ORC3: variants seen among roughly 807,000 people sequenced by gnomAD.
The protein encoded by ORC3 is homolog of latheo, Drosophila.
In ORC3, 78 loss-of-function variants were observed where a neutral mutation model predicts 100.7. The observed-to-expected ratio is 0.77, with a 90% confidence interval of 0.65 to 0.94. ORC3 has a LOEUF of 0.94. Ranked by LOEUF, ORC3 falls within the 40% of genes least tolerant of loss-of-function variation. The pLI, the probability that ORC3 is intolerant of heterozygous loss-of-function variation, is 0.00. For missense variants in ORC3, 789 were observed against 823.9 expected (o/e 0.96, Z 0.52); for synonymous variants, 295 against 289.3 (o/e 1.02, Z -0.20).
At chr6:87,674,302 C>CCA in the ORC3 span, among the ~76,000 whole-genome samples, 6 of 87,162 alleles carry the variant, frequency 6.9e-5, no homozygotes, top group Non-Finnish European at 1.1e-4. Flanking sequence ...AACTCTATCT[C>CCA]AAAAAAAAAA....
intron 8 of ORC3, among the ~76,000 whole-genome samples, chr6:87,615,416 T>A (rs771362018): frequency 6.6e-6 from 1 of 152,210 alleles, no homozygotes; most frequent in Non-Finnish European, 1.5e-5. Context: ...TTATTTAAGG[T>A]AAACTAAAAA....
chr6:87,642,584 AAAAT>A (rs1226950504), intron 13 of ORC3, among the ~76,000 whole-genome samples: 1 of 151,978 alleles, frequency 6.6e-6, no homozygotes, highest in Non-Finnish European at 1.5e-5. Flanking sequence ...CTCCGTCCCA[AAAAT>A]AAATAAATAA....
At chr6:87,624,487 A>G (rs1434794854) in intron 11 of ORC3, among the ~76,000 whole-genome samples, 4 of 152,094 alleles carry the variant, frequency 2.6e-5, no homozygotes, top group Non-Finnish European at 4.4e-5. Flanking sequence ...AAGAACAAAA[A>G]CAAAACAAAA....
At chr6:87,628,713 T>A (rs574963839) in intron 11 of ORC3, among the ~76,000 whole-genome samples, 55 of 152,342 alleles carry the variant, frequency 3.6e-4, no homozygotes, top group African/African-American at 1.3e-3. Flanking sequence ...CACCGTTTAG[T>A]ATGCTTATCA....
intron 8 of ORC3, among the ~76,000 whole-genome samples, chr6:87,615,500 CT>C (rs1779095311): frequency 6.6e-6 from 1 of 152,174 alleles, no homozygotes. Context: ...TTTATAGACA[CT>C]TTAAGGAAAA....
chr6:87,602,916 A>G (rs1427025371), intron 3 of ORC3, among the ~76,000 whole-genome samples: 1 of 109,308 alleles, frequency 9.1e-6, no homozygotes, highest in Non-Finnish European at 1.8e-5. Flanking sequence ...TATATATTAT[A>G]TATATATATA....
chr6:87,672,281 G>A (rs1489609307), downstream of ORC3, among the ~76,000 whole-genome samples: 1 of 152,148 alleles, frequency 6.6e-6, no homozygotes, highest in Non-Finnish European at 1.5e-5. Flanking sequence ...TTATAAAGGG[G>A]AGCACTAAAA....
chr6:87,674,624 T>A, the ORC3 span, among the ~76,000 whole-genome samples: 1 of 143,472 alleles, frequency 7.0e-6, no homozygotes, highest in Non-Finnish European at 1.5e-5. Flanking sequence ...AAGAAGGAAT[T>A]TATATATATA....
chr6:87,593,781 C>T (rs1227706980), intron 1 of ORC3, among the ~76,000 whole-genome samples: 1 of 152,260 alleles, frequency 6.6e-6, no homozygotes, highest in African/African-American at 2.4e-5. Flanking sequence ...ACTGCAGCCT[C>T]CATCTCCAGG....
chr6:87,674,645 T>TATAAATATATATATATAAATATATA, the ORC3 span, among the ~76,000 whole-genome samples: 1 of 148,088 alleles, frequency 6.8e-6, no homozygotes, highest in African/African-American at 2.5e-5. Context: ...TATATATATT[T>TATAAATATATATATATAAATATATA]TTTTTTTTTT....
chr6:87,624,662 A>G (rs1396079053), intron 11 of ORC3, among the ~76,000 whole-genome samples: 1 of 152,142 alleles, frequency 6.6e-6, no homozygotes, highest in Non-Finnish European at 1.5e-5. Flanking sequence ...ATCTATATTT[A>G]AGAAAATCAC....
chr6:87,658,136 T>C, intron 16 of ORC3, 118 bp downstream of exon 16: 1 of 582,554 alleles, frequency 1.7e-6, no homozygotes, highest in Non-Finnish European at 3.1e-6. Flanking sequence ...GGCTTTATGC[T>C]TTTCAGGTCT....
chr6:87,666,869 A>G (rs1327049735), intron 19 of ORC3, 149 bp from the exon 20 acceptor site: 1 of 559,444 alleles, frequency 1.8e-6, no homozygotes, highest in African/African-American at 1.9e-5. Flanking sequence ...GATTCTAATT[A>G]ATGTTTTCCA....
Position 87,634,931 on chromosome 6 carries a change from T to C in ORC3, c.1272T>C (p.Ser424=). The C allele has an allele frequency of 6.3e-7, 1 of 1,593,372 alleles. No homozygotes were observed. Among genetic ancestry groups the C allele is most frequent in the Non-Finnish European group, 8.6e-7 (1 of 1,161,180 alleles). The stretch of plus-strand genomic sequence containing the variant: ...TGAGATGTCTTCATAAGTTCACCTC[T>C]TCTCTTCCCAAGTATCCACTAGGTC... ...LVLRCLHKFT[S]SLPKYPLGRQ... Residue 424 remains serine, a synonymous_variant, in exon 12 of 20, where the codon TCT becomes TCC. Transcript: ENST00000392844.
intron 7 of ORC3, among the ~76,000 whole-genome samples, chr6:87,611,829 G>T (rs1778795908): frequency 2.0e-5 from 3 of 151,758 alleles, no homozygotes; most frequent in Admixed American, 2.0e-4. Flanking sequence ...AAAACTTTCT[G>T]GACCTCTCTG....
intron 13 of ORC3, among the ~76,000 whole-genome samples, chr6:87,641,983 T>C (rs976192764): frequency 6.6e-6 from 1 of 152,188 alleles, no homozygotes; most frequent in African/African-American, 2.4e-5. Flanking sequence ...TCCAAGAGCT[T>C]TGTAAGACTG....
chr6:87,609,507 AC>A (rs1778592563), intron 7 of ORC3: 1 of 251,094 alleles, frequency 4.0e-6, no homozygotes, highest in East Asian at 8.1e-5. Context: ...TCTCTTACTC[AC>A]CCATTAAATA....
chr6:87,618,664 A>G (rs1183438091), intron 9 of ORC3, among the ~76,000 whole-genome samples: 2 of 152,166 alleles, frequency 1.3e-5, no homozygotes, highest in Non-Finnish European at 2.9e-5. Flanking sequence ...CATGACAAGG[A>G]CTTAAATAAA....
intron 2 of ORC3, 43 bp from the exon 3 acceptor site, chr6:87,601,741 A>G (rs1167565385): frequency 1.2e-5 from 14 of 1,122,694 alleles, no homozygotes; most frequent in Middle Eastern, 2.3e-4. Flanking sequence ...AACTTATACT[A>G]TTATATGAAA....
Sources: gnomAD v4.1 joint callset for allele counts (sites outside exome capture counted in the v4.1 genomes callset) on GRCh38, gnomAD v4.1.1 for gene constraint, MANE v1.5 for transcripts, NCBI Gene and HGNC (gene_info 2026-07-23, HGNC 2026-07-21) for gene names.